Variants in TEKT3 observed in about 807,000 individuals in gnomAD.
The protein encoded by TEKT3 is tektin 3.
TEKT3 carries 49 observed loss-of-function variants against 49.8 expected under a neutral mutation model. The ratio of observed to expected loss-of-function variants is 0.98; its 90% confidence interval spans 0.78 to 1.25. The LOEUF is 1.25. Among genes scored for constraint, TEKT3 ranks in the 50% most tolerant of loss-of-function variants. TEKT3 has a pLI of 0.00. For synonymous variants in TEKT3, 225 were observed against 237.2 expected (o/e 0.95, Z 0.47); for missense variants, 595 against 629.5 (o/e 0.95, Z 0.59).
In TEKT3 at chr17:15,331,479, C is replaced by A. The variant is rs753700946; in HGVS notation, c.107G>T (p.Arg36Leu). Reference sequence around the variant, plus strand: ...ATGGGTCAAATTGGAGTGGGGAAAGCGGTCCCTGTAGCTTGAGGCCATGGT... The same window carrying A: ...ATGGGTCAAATTGGAGTGGGGAAAGAGGTCCCTGTAGCTTGAGGCCATGGT... Reference protein sequence around the residue: ...ISTMASSYRDRFPHSNLTHSL... With the variant: ...ISTMASSYRDLFPHSNLTHSL... The change falls in exon 3 of 9, where the codon CGC becomes CTC. Residue 36 changes from arginine (R) to leucine (L), a missense_variant. Transcript: ENST00000395930. 43 of 1,614,022 alleles carry A rather than the reference C, an allele frequency of 2.7e-5. No homozygotes were observed. The highest frequency in any genetic ancestry group is 3.4e-5 in the Non-Finnish European group (40 of 1,180,006).
chr17:15,335,850 C>T (rs1421389369), intron 2 of TEKT3, among the ~76,000 whole-genome samples: 1 of 152,058 alleles, frequency 6.6e-6, no homozygotes, highest in Non-Finnish European at 1.5e-5. Flanking sequence ...TATATACTTG[C>T]ACAACTTCAC....
At chr17:15,313,030 C>T (rs1351457010) in intron 6 of TEKT3, among the ~76,000 whole-genome samples, 3 of 152,144 alleles carry the variant, frequency 2.0e-5, no homozygotes, top group Admixed American at 6.5e-5. Flanking sequence ...CCAGAACTTC[C>T]ACTTCTAGAA....
chr17:15,327,291 G>A (rs1349390293), intron 4 of TEKT3, among the ~76,000 whole-genome samples: 1 of 152,136 alleles, frequency 6.6e-6, no homozygotes, highest in African/African-American at 2.4e-5. Flanking sequence ...GCTGAGGCAG[G>A]CAGATCATGA....
chr17:15,327,075 T>C (rs1480980839), intron 4 of TEKT3, among the ~76,000 whole-genome samples: 4 of 151,976 alleles, frequency 2.6e-5, no homozygotes, highest in Non-Finnish European at 5.9e-5. Flanking sequence ...ATAATATTTT[T>C]GTATACTGCA....
rs1410444377 is a variant in TEKT3, at chr17:15,304,013, G to A, written c.1396C>T (p.Leu466=). 6.2e-7 allele frequency: 1 copy of A among 1,614,152 alleles called. No homozygotes were observed. The highest frequency in any genetic ancestry group is 1.7e-5 in the Admixed American group (1 of 60,024). ...EYDLAVKANS[L]YIDQEKCMSM... ...ATGCATTTTTCCTGGTCGATGTACA[G>A]GGAATTGGCTTTGACAGCCAGGTCA... Residue 466 remains leucine (L), a synonymous_variant, in exon 9 of 9, where the codon CTG becomes TTG. Transcript: ENST00000395930. This position sits in a 1 kb window ranked among gnomAD's most constrained non-coding sequence, Gnocchi z 4.7.
intron 1 of TEKT3, among the ~76,000 whole-genome samples, chr17:15,341,213 T>C (rs1452082730): frequency 6.6e-6 from 1 of 152,132 alleles, no homozygotes; most frequent in East Asian, 1.9e-4. Flanking sequence ...GGGTAATTAT[T>C]AGAATTAAGA....
chr17:15,332,765 T>C (rs1050190762), intron 2 of TEKT3, among the ~76,000 whole-genome samples: 2 of 152,150 alleles, frequency 1.3e-5, no homozygotes, highest in African/African-American at 4.8e-5. Context: ...GATCTTAACT[T>C]TTTAAATTGC....
chr17:15,323,014 T>C (rs915331764), intron 4 of TEKT3, among the ~76,000 whole-genome samples: 2 of 152,202 alleles, frequency 1.3e-5, no homozygotes, highest in Non-Finnish European at 2.9e-5. Flanking sequence ...GAGAAGCTTC[T>C]GGTCCCACAA....
At chr17:15,319,200 T>C in intron 4 of TEKT3, 53 bp from the exon 5 acceptor site, 1 of 1,428,580 alleles carries the variant, frequency 7.0e-7, no homozygotes. Flanking sequence ...AATATAACAC[T>C]CAAAATCAAC....
chr17:15,307,764 C>T (rs1050610172), intron 8 of TEKT3, among the ~76,000 whole-genome samples: 9 of 152,264 alleles, frequency 5.9e-5, no homozygotes, highest in African/African-American at 2.2e-4. Context: ...GCCCTTGGCT[C>T]CTCCAGTTGC....
intron 5 of TEKT3, 180 bp from the exon 6 acceptor site, chr17:15,314,410 C>CTTTTTTAT: frequency 1.4e-6 from 1 of 737,438 alleles, no homozygotes; most frequent in Non-Finnish European, 2.3e-6. Flanking sequence ...CATACCTCTA[C>CTTTTTTAT]GTCACTGGGA....
intron 3 of TEKT3, among the ~76,000 whole-genome samples, chr17:15,329,416 G>A (rs1008005318): frequency 1.3e-5 from 2 of 152,128 alleles, no homozygotes; most frequent in Non-Finnish European, 2.9e-5. Flanking sequence ...CACTGAAAGG[G>A]TTACTAAGAG....
rs1910415433 is a variant in TEKT3, at chr17:15,303,825, A to G, written c.*111T>C. 9.6e-7 allele frequency: 1 copy of G among 1,042,034 alleles called. No homozygotes were observed. The highest frequency in any genetic ancestry group is 1.5e-5 in the South Asian group (1 of 67,402). The allele number at this position is 1,042,034 out of a possible 1,614,324, so 64.5% of individuals were successfully genotyped here. On this transcript the variant is annotated 3_prime_UTR_variant, in exon 9 of 9. Coordinates refer to ENST00000395930, the MANE Select transcript of TEKT3 (RefSeq NM_031898.3). ...CGAGACAGGAGGTTGGTACATTTCC[A>G]TCAGCATAATCCTTTAATAAGTGAC...
rs901468558 is a variant in TEKT3, at chr17:15,304,447, A to G, written c.1257-295T>C. Among the ~76,000 whole-genome samples the G allele has an allele frequency of 1.3e-4, 20 of 152,210 alleles. No individual in the cohort carries two copies. Among genetic ancestry groups the G allele is most frequent in the African/African-American group, 4.8e-4 (20 of 41,454 alleles). On this transcript the variant is annotated intron_variant, in intron 8 of 8. Coordinates refer to ENST00000395930, the MANE Select transcript of TEKT3 (RefSeq NM_031898.3). The surrounding 1 kb of genome is among the most constrained non-coding windows in gnomAD (Gnocchi z 4.7). ...CAAGGCAATTCTATAGTTTCACAGA[A>G]ATTCACAACTGGAAAACGAATTTAG...
chr17:15,313,789 G>C (rs1318424588), intron 6 of TEKT3, among the ~76,000 whole-genome samples: 1 of 152,128 alleles, frequency 6.6e-6, no homozygotes, highest in Non-Finnish European at 1.5e-5. Flanking sequence ...GATTAGGTGT[G>C]AGCCACCGCA....
chr17:15,340,422 C>T (rs1597424749), intron 1 of TEKT3: 1 of 151,604 alleles, frequency 6.6e-6, no homozygotes, highest in East Asian at 1.9e-4. Context: ...TGGCAGGCAC[C>T]TGTAATCCCA....
intron 4 of TEKT3, among the ~76,000 whole-genome samples, chr17:15,323,013 C>A (rs1196789378): frequency 6.6e-6 from 1 of 152,184 alleles, no homozygotes; most frequent in Admixed American, 6.5e-5. Flanking sequence ...TGAGAAGCTT[C>A]TGGTCCCACA....
chr17:15,338,412 G>T (rs1000430140), intron 2 of TEKT3: 2 of 151,996 alleles, frequency 1.3e-5, no homozygotes, highest in African/African-American at 4.8e-5. Flanking sequence ...TTTTAAGGAA[G>T]AAATACCTCA....
chr17:15,319,250 A>C, intron 4 of TEKT3, 103 bp from the exon 5 acceptor site: 1 of 949,546 alleles, frequency 1.1e-6, no homozygotes, highest in Non-Finnish European at 1.6e-6. Context: ...TTGTTTCTTA[A>C]AATACTGTGA....
Sources: allele counts gnomAD v4.1 joint callset (sites outside exome capture counted in the v4.1 genomes callset), GRCh38; gene constraint gnomAD v4.1.1; non-coding constraint Gnocchi (gnomAD v3.1); transcripts MANE v1.5; gene names NCBI Gene and HGNC (gene_info 2026-07-23, HGNC 2026-07-21).